The following CUX1 variants were observed in gnomAD, a reference collection of about 807,000 sequenced individuals.
CUX1 encodes the protein cut like homeobox 1.
Under a neutral mutation model 158.8 loss-of-function variants are expected in CUX1, and 31 were observed. The observed-to-expected ratio is 0.20, with a 90% confidence interval of 0.15 to 0.26. The LOEUF is 0.26. Among genes scored for constraint, CUX1 ranks in the 10% least tolerant of loss-of-function variants. CUX1 has a pLI of 1.00. For missense variants in CUX1, 1,589 were observed against 2,014.6 expected, an observed-to-expected ratio of 0.79 and a Z score of 4.04; for synonymous variants, 879 against 862.1, an observed-to-expected ratio of 1.02 and a Z score of -0.34.
At chr7:102,217,298 A>G (rs17498402) in intron 20 of CUX1, among the ~76,000 whole-genome samples, 31,206 of 152,204 alleles carry the variant, frequency 0.21, 3,890 homozygotes, top group Non-Finnish European at 0.28. Flanking sequence ...TATTTCCTTA[A>G]GAGCTTATAA....
At chr7:102,182,793 T>C (rs1793234697) in intron 11 of CUX1, among the ~76,000 whole-genome samples, 1 of 152,208 alleles carries the variant, frequency 6.6e-6, no homozygotes, top group Non-Finnish European at 1.5e-5. Flanking sequence ...AATTAGCTAG[T>C]CAACTGCACT....
At chr7:102,103,876 G>A (rs1248790518) in intron 5 of CUX1, among the ~76,000 whole-genome samples, 9 of 152,062 alleles carry the variant, frequency 5.9e-5, no homozygotes, top group East Asian at 5.8e-4. Flanking sequence ...ATGGGGTACC[G>A]TAGACTTTCT....
At chr7:101,975,949 T>C (rs1812609682) in intron 2 of CUX1, among the ~76,000 whole-genome samples, 1 of 152,168 alleles carries the variant, frequency 6.6e-6, no homozygotes, top group Non-Finnish European at 1.5e-5. Context: ...CAGACCAGCC[T>C]GGCCAACATG....
At chr7:102,268,878 G>A (rs1019680410) in intron 14 of CUX1, among the ~76,000 whole-genome samples, 1 of 151,396 alleles carries the variant, frequency 6.6e-6, no homozygotes, top group African/African-American at 2.4e-5. Context: ...CGCCACAAGG[G>A]ACCCGCCCTG....
chr7:101,867,739 G>T (rs1331197736), intron 1 of CUX1, among the ~76,000 whole-genome samples: 1 of 152,188 alleles, frequency 6.6e-6, no homozygotes, highest in Non-Finnish European at 1.5e-5. Context: ...TAAGCATATG[G>T]AAGCAAAACA....
intron 23 of CUX1, among the ~76,000 whole-genome samples, chr7:102,245,323 C>G (rs1800689024): frequency 1.3e-5 from 2 of 152,302 alleles, no homozygotes; most frequent in South Asian, 4.1e-4. Flanking sequence ...GGATTATAGG[C>G]ATGAGTCCCT....
chr7:102,127,797 T>A (rs1832808344), intron 8 of CUX1, among the ~76,000 whole-genome samples: 1 of 152,118 alleles, frequency 6.6e-6, no homozygotes, highest in African/African-American at 2.4e-5. Context: ...TATGCCTTCA[T>A]GTTCTGCCAG....
chr7:102,168,938 CTT>C (rs782482609), intron 9 of CUX1, among the ~76,000 whole-genome samples: 2 of 52,684 alleles, frequency 3.8e-5, no homozygotes. Flanking sequence ...CTTTTATTTT[CTT>C]TTTTTTTTTG....
chr7:102,165,525 C>A lies in CUX1; in HGVS notation c.724-4921C>A, dbSNP rs575439163. Reference sequence around the variant, plus strand: ...GACTACAGGTGCACACCCCCACGCCCAGCTAATTTTTGTATTTTTAGTAGA... The same window carrying A: ...GACTACAGGTGCACACCCCCACGCCAAGCTAATTTTTGTATTTTTAGTAGA... On this transcript the variant is annotated intron_variant, in intron 9 of 23. Transcript: ENST00000292535. Among the ~76,000 whole-genome samples the A allele has an allele frequency of 1.7e-3, 253 of 152,062 alleles. 1 individual carries two copies. Among genetic ancestry groups the A allele is most frequent in the African/African-American group, 5.8e-3 (242 of 41,474 alleles).
At chr7:102,135,238 G>C (rs565872792) in intron 8 of CUX1, among the ~76,000 whole-genome samples, 1 of 152,222 alleles carries the variant, frequency 6.6e-6, no homozygotes, top group East Asian at 1.9e-4. Context: ...AAGATGTTTT[G>C]TAAGTTACAT....
intron 3 of CUX1, among the ~76,000 whole-genome samples, chr7:102,036,727 GT>G (rs1175488483): frequency 6.7e-6 from 1 of 149,542 alleles, no homozygotes; most frequent in East Asian, 2.0e-4. Context: ...GGCCCACAGA[GT>G]GAGACTCCAT....
chr7:102,257,019 T>C lies in CUX1; in HGVS notation c.*7977T>C, dbSNP rs1310764136. Reference sequence around the variant, plus strand: ...ATAGGTGGTTCAACGTGGAGGAAGGTTGGGTGTGGAGATTGCTTGCTGTGG... The same window carrying C: ...ATAGGTGGTTCAACGTGGAGGAAGGCTGGGTGTGGAGATTGCTTGCTGTGG... On this transcript the variant is annotated 3_prime_UTR_variant, in exon 24 of 24. Transcript: ENST00000292535. The C allele has an allele frequency of 2.1e-5, 21 of 985,260 alleles. No homozygotes were observed. The highest frequency in any genetic ancestry group is 2.5e-5 in the Non-Finnish European group (21 of 829,946). 61.0% of individuals were successfully genotyped at this position (985,260 alleles called of 1,614,324 possible).
intron 6 of CUX1, 93 bp from the exon 7 acceptor site, chr7:102,111,605 C>T: frequency 8.5e-7 from 1 of 1,176,584 alleles, no homozygotes; most frequent in Non-Finnish European, 1.3e-6. Context: ...GCCAGCTGAG[C>T]GCAGGGAGGG....
intron 2 of CUX1, among the ~76,000 whole-genome samples, chr7:102,013,574 T>G (rs539490622): frequency 6.6e-6 from 1 of 152,340 alleles, no homozygotes; most frequent in South Asian, 2.1e-4. Context: ...CACATAATAA[T>G]TCTCTAAGCA....
chr7:101,839,793 C>T (rs1795022290), intron 1 of CUX1, among the ~76,000 whole-genome samples: 1 of 151,650 alleles, frequency 6.6e-6, no homozygotes, highest in South Asian at 2.1e-4. Flanking sequence ...ACAGAGTTTG[C>T]TCTTGTTGCC....
At chr7:102,263,975 A>C in intron 14 of CUX1, among the ~76,000 whole-genome samples, 1 of 144,318 alleles carries the variant, frequency 6.9e-6, no homozygotes, top group African/African-American at 2.6e-5. Flanking sequence ...TACAGGCATG[A>C]GCCACTATTC....
At chr7:102,238,407 C>T (rs1799823995) in intron 22 of CUX1, among the ~76,000 whole-genome samples, 1 of 152,204 alleles carries the variant, frequency 6.6e-6, no homozygotes, top group Non-Finnish European at 1.5e-5. Context: ...GGTCACTCCT[C>T]ACTGTGTCCC....
chr7:102,215,229 C>CTTT (rs547506149), intron 20 of CUX1, among the ~76,000 whole-genome samples: 12 of 92,750 alleles, frequency 1.3e-4, no homozygotes, highest in African/African-American at 1.7e-4. Context: ...GTTACTCCAA[C>CTTT]TTTTTTTTTT....
intron 2 of CUX1, among the ~76,000 whole-genome samples, chr7:102,020,707 C>T (rs544592288): frequency 8.0e-4 from 122 of 152,098 alleles, no homozygotes; most frequent in African/African-American, 2.8e-3. Flanking sequence ...TGGTGAAACC[C>T]CGTCTCTACT....
Sources: gnomAD v4.1 joint callset for allele counts (sites outside exome capture counted in the v4.1 genomes callset) on GRCh38, gnomAD v4.1.1 for gene constraint, MANE v1.5 for transcripts, NCBI Gene and HGNC (gene_info 2026-07-23, HGNC 2026-07-21) for gene names.